Variants in NCOR1 observed in about 807,000 individuals in gnomAD.
The protein encoded by NCOR1 is nuclear receptor corepressor 1, also known as protein phosphatase 1, regulatory subunit 109.
NCOR1 carries 63 observed loss-of-function variants against 288.1 expected under a neutral mutation model. The ratio of observed to expected loss-of-function variants is 0.22; its 90% CI spans 0.18 to 0.27. The LOEUF is 0.27. Ranked by LOEUF, NCOR1 falls within the 10% of genes least tolerant of loss-of-function variation. The probability of loss-of-function intolerance (pLI) is 1.00; values close to 1 mark genes in which losing one functional copy is unlikely to be tolerated. For synonymous variants in NCOR1, 1,007 were observed against 1,065.9 expected, an observed-to-expected ratio of 0.94 and a Z score of 1.08; for missense variants, 2,397 against 3,019.2, an observed-to-expected ratio of 0.79 and a Z score of 4.83.
intron 40 of NCOR1, among the ~76,000 whole-genome samples, chr17:16,052,246 G>A (rs1262774219): frequency 2.6e-5 from 4 of 151,208 alleles, no homozygotes; most frequent in African/African-American, 7.3e-5. Context: ...GGATGGTCTC[G>A]ATCTCCTGAC....
rs776799136 is a variant in NCOR1, at chr17:16,086,271, A to G, written c.3177+11T>C. The G allele has an allele frequency of 6.8e-6, 11 of 1,611,990 alleles. No homozygotes were observed. The South Asian group carries it at 8.8e-5, about 13-fold the overall frequency. ...CAACAAGAAATCTACTGTAAAGAGA[A>G]GTCGTTTCACCTGTGAGATGGAGCC... On this transcript the variant is annotated intron_variant, in intron 23 of 45. Transcript: ENST00000268712.
chr17:16,063,732 C>G (rs2060797787), intron 35 of NCOR1, among the ~76,000 whole-genome samples: 1 of 152,222 alleles, frequency 6.6e-6, no homozygotes, highest in South Asian at 2.1e-4. Context: ...CCTCTAAACT[C>G]AAGCTCAACA....
At chr17:16,133,284 A>C (rs1258088786) in intron 14 of NCOR1, among the ~76,000 whole-genome samples, 1 of 152,202 alleles carries the variant, frequency 6.6e-6, no homozygotes, top group Non-Finnish European at 1.5e-5. Flanking sequence ...CTATACATTT[A>C]TCTGCTGAAT....
intron 21 of NCOR1, among the ~76,000 whole-genome samples, chr17:16,096,017 A>G (rs554390632): frequency 4.6e-4 from 70 of 152,270 alleles, no homozygotes; most frequent in Admixed American, 1.2e-3. Context: ...CTGTTGATCT[A>G]TGACCTTACC....
chr17:16,112,967 G>C (rs918748280), intron 18 of NCOR1, among the ~76,000 whole-genome samples: 4 of 152,168 alleles, frequency 2.6e-5, no homozygotes, highest in African/African-American at 7.2e-5. Flanking sequence ...CTGGAGTGCA[G>C]TGGTGCGATC....
intron 44 of NCOR1, among the ~76,000 whole-genome samples, chr17:16,036,663 T>C (rs1157065627): frequency 6.6e-6 from 1 of 152,210 alleles, no homozygotes; most frequent in Non-Finnish European, 1.5e-5. Flanking sequence ...CTTCAACCTC[T>C]GAATGGCCTC....
chr17:16,084,986 C>G (rs369839350), intron 23 of NCOR1, among the ~76,000 whole-genome samples: 2 of 152,054 alleles, frequency 1.3e-5, no homozygotes, highest in South Asian at 2.1e-4. Context: ...AACTTCTCAT[C>G]AAAATACCAG....
At chr17:16,115,098 C>T (rs2071301807) in intron 18 of NCOR1, among the ~76,000 whole-genome samples, 1 of 152,170 alleles carries the variant, frequency 6.6e-6, no homozygotes, top group Non-Finnish European at 1.5e-5. Context: ...CCCACAGGCT[C>T]AACACCATAT....
Position 16,117,936 on chromosome 17 carries a change from A to G in NCOR1, c.2007T>C (p.Tyr669=). The change falls in exon 18 of 46, where the codon TAT becomes TAC. Residue 669 remains tyrosine (Y), a synonymous_variant. Transcript: ENST00000268712. ...EAQCKNFYFN[Y]KRRHNLDNLL... is the part of the protein sequence containing the mutation. ...GGTTGTCAAGATTGTGTCGCCTTTTATAGTTAAAATAGAAGTTTTTACATT... is the reference window on the plus strand; with the variant it reads ...GGTTGTCAAGATTGTGTCGCCTTTTGTAGTTAAAATAGAAGTTTTTACATT... The G allele has an allele frequency of 6.2e-7, 1 of 1,614,070 alleles. No individual in the cohort carries two copies. The highest frequency in any genetic ancestry group is 8.5e-7 in the Non-Finnish European group (1 of 1,179,972).
chr17:16,104,628 TAGTCATGGTGGCGTACACC>T (rs1452655604), intron 19 of NCOR1, among the ~76,000 whole-genome samples: 1 of 152,048 alleles, frequency 6.6e-6, no homozygotes, highest in Non-Finnish European at 1.5e-5. Flanking sequence ...AAAAATTAGC[TAGTCATGGTGGCGTACACC>T]AGTAATCCCA....
intron 14 of NCOR1, among the ~76,000 whole-genome samples, chr17:16,133,219 C>G (rs1317259189): frequency 6.6e-6 from 1 of 152,286 alleles, no homozygotes; most frequent in East Asian, 1.9e-4. Flanking sequence ...TCCACCCGCC[C>G]TGGACTCCCA....
chr17:16,183,975 C>G (rs2086077572), intron 3 of NCOR1, among the ~76,000 whole-genome samples: 1 of 152,092 alleles, frequency 6.6e-6, no homozygotes, highest in Non-Finnish European at 1.5e-5. Flanking sequence ...CACAGCAACA[C>G]AGTGGGGAAA....
chr17:16,082,958 C>G (rs2063621562), intron 23 of NCOR1, among the ~76,000 whole-genome samples: 1 of 152,096 alleles, frequency 6.6e-6, no homozygotes, highest in Admixed American at 6.5e-5. Flanking sequence ...TACTGAATGC[C>G]TTCCTTCTAA....
intron 21 of NCOR1, among the ~76,000 whole-genome samples, chr17:16,096,471 G>A (rs1051157748): frequency 3.9e-5 from 6 of 152,082 alleles, no homozygotes; most frequent in African/African-American, 1.4e-4. Context: ...ATTGTATACT[G>A]GAGTTAGCCA....
intron 18 of NCOR1, among the ~76,000 whole-genome samples, chr17:16,110,897 G>A (rs948205942): frequency 6.6e-6 from 1 of 152,212 alleles, no homozygotes; most frequent in African/African-American, 2.4e-5. Flanking sequence ...GAATCCCAGA[G>A]ACACACTGGC....
chr17:16,104,138 C>T (rs1366101630), intron 19 of NCOR1, among the ~76,000 whole-genome samples: 3 of 152,240 alleles, frequency 2.0e-5, no homozygotes, highest in Non-Finnish European at 4.4e-5. Context: ...ATTTCTTCCA[C>T]TAGGCTATAA....
intron 30 of NCOR1, among the ~76,000 whole-genome samples, chr17:16,070,819 C>G (rs771891345): frequency 6.6e-6 from 1 of 152,160 alleles, no homozygotes; most frequent in Non-Finnish European, 1.5e-5. Context: ...CACCTGAGGT[C>G]AGGAGTTCGA....
At position 16,092,687 on chromosome 17, in the gene NCOR1, A is replaced by T. The variant is rs1567960139; in HGVS notation, c.2821-629T>A. ...TATATATATATATATATATATATAT[A>T]TATATATATTTTTTTTTTTTTTTTT... On this transcript the variant is annotated intron_variant, in intron 21 of 45. Transcript: ENST00000268712. Among the ~76,000 whole-genome samples, 63 of 11,550 alleles carry T rather than the reference A, an allele frequency of 5.5e-3. 3 individuals are homozygous for T. In the East Asian group the frequency reaches 0.083, roughly 15 times the overall value. The allele number at this position is 11,550 out of a possible 152,430, so 7.6% of individuals were successfully genotyped here.
chr17:16,124,400 G>T (rs954757052), intron 15 of NCOR1, among the ~76,000 whole-genome samples: 13 of 152,200 alleles, frequency 8.5e-5, no homozygotes, highest in African/African-American at 2.9e-4. Context: ...AATGAGGAAA[G>T]AGAAACTGAC....
Sources: allele counts gnomAD v4.1 joint callset (sites outside exome capture counted in the v4.1 genomes callset), GRCh38; gene constraint gnomAD v4.1.1; transcripts MANE v1.5; gene names NCBI Gene and HGNC (gene_info 2026-07-23, HGNC 2026-07-21).